The following CDC123 variants were observed in gnomAD, a reference collection of about 807,000 sequenced individuals.
CDC123 encodes cell division cycle 123, also known as translation initiation factor eIF2 assembly protein.
A neutral mutation model predicts 54.4 loss-of-function variants in CDC123; 37 were observed. That is an observed-to-expected ratio of 0.68 (90% CI 0.52 to 0.89). The LOEUF is 0.89. Ranked by LOEUF, CDC123 falls within the 40% of genes least tolerant of loss-of-function variation. CDC123 has a pLI of 0.00. For missense variants in CDC123, 361 were observed against 412.1 expected (o/e 0.88, Z 1.07); for synonymous variants, 144 against 136.8 (o/e 1.05, Z -0.37).
At chr10:12,217,510 G>A (rs777829830) in intron 6 of CDC123, 43 bp downstream of exon 6, 2 of 1,591,282 alleles carry the variant, frequency 1.3e-6, no homozygotes, top group East Asian at 4.5e-5. Flanking sequence ...TTCAGTATTT[G>A]TGCAAATTTC....
intron 6 of CDC123, among the ~76,000 whole-genome samples, chr10:12,221,305 T>C (rs1313240349): frequency 6.6e-6 from 1 of 151,950 alleles, no homozygotes; most frequent in Non-Finnish European, 1.5e-5. Flanking sequence ...GCCCTTTCCT[T>C]CCACCATCCT....
At chr10:12,240,898 TA>T in intron 10 of CDC123, among the ~76,000 whole-genome samples, 1 of 152,316 alleles carries the variant, frequency 6.6e-6, no homozygotes. Flanking sequence ...AATAATCCCG[TA>T]CGTGTGTCAT....
intron 9 of CDC123, among the ~76,000 whole-genome samples, chr10:12,237,874 G>A (rs1836000773): frequency 6.6e-6 from 1 of 152,194 alleles, no homozygotes; most frequent in Non-Finnish European, 1.5e-5. Flanking sequence ...TTCTTTGAAT[G>A]ATCAAAGACA....
At chr10:12,233,716 T>A (rs1234181055) in intron 7 of CDC123, among the ~76,000 whole-genome samples, 1 of 152,080 alleles carries the variant, frequency 6.6e-6, no homozygotes, top group Non-Finnish European at 1.5e-5. Flanking sequence ...AAAAAGCAGA[T>A]AATAAGGCTT....
chr10:12,239,440 C>T (rs1421824659), intron 10 of CDC123, among the ~76,000 whole-genome samples: 1 of 152,178 alleles, frequency 6.6e-6, no homozygotes, highest in East Asian at 1.9e-4. Flanking sequence ...TGGCCGGGTG[C>T]AGTGGCTCAC....
chr10:12,201,782 G>C (rs921892267), intron 2 of CDC123, among the ~76,000 whole-genome samples: 2 of 152,194 alleles, frequency 1.3e-5, no homozygotes, highest in Admixed American at 6.5e-5. Context: ...TGTGGCAGGT[G>C]ACTGTGGAAA....
chr10:12,242,728 G>C (rs1244208294), intron 10 of CDC123, among the ~76,000 whole-genome samples: 1 of 152,114 alleles, frequency 6.6e-6, no homozygotes, highest in Non-Finnish European at 1.5e-5. Flanking sequence ...GGTCACCTGA[G>C]ATCAGGAGCT....
chr10:12,217,306 A>T, intron 5 of CDC123, 55 bp from the exon 6 acceptor site: 1 of 1,554,558 alleles, frequency 6.4e-7, no homozygotes, highest in Non-Finnish European at 8.8e-7. Flanking sequence ...AGGCCTGAGC[A>T]TTCATAGCAG....
chr10:12,242,147 C>T (rs574892666), intron 10 of CDC123, among the ~76,000 whole-genome samples: 4 of 152,338 alleles, frequency 2.6e-5, no homozygotes, highest in East Asian at 1.9e-4. Flanking sequence ...AACCTATTCC[C>T]GCAACAGGCG....
intron 5 of CDC123, among the ~76,000 whole-genome samples, chr10:12,216,834 T>C (rs561821615): frequency 5.9e-5 from 9 of 152,336 alleles, no homozygotes; most frequent in Admixed American, 3.3e-4. Context: ...TTTGTTCTTA[T>C]GTATGAGACA....
Position 12,237,215 on chromosome 10 carries a change from A to G in CDC123, c.637A>G (p.Ile213Val), listed in dbSNP as rs113251077. 3 of 1,591,052 alleles carry G rather than the reference A, an allele frequency of 1.9e-6. No homozygotes were observed. Among genetic ancestry groups the G allele is most frequent in the Non-Finnish European group, 2.6e-6 (3 of 1,172,188 alleles). Residue 213 changes from isoleucine to valine, a missense_variant, in exon 9 of 13, where the codon ATA becomes GTA. Physicochemically the swap from Ile to Val is conservative, Grantham distance 29 (BLOSUM62 3). Coordinates refer to ENST00000281141, the MANE Select transcript of CDC123 (RefSeq NM_006023.3). ...ACAAAAGGAAGAAATTCGCAGATGC[A>G]TACAAGACTTTTTCAAGAAACACAT... is the stretch of plus-strand genomic sequence containing the variant. ...SKQKEEIRRC[I>V]QDFFKKHIQY...
chr10:12,238,721 A>T (rs1034518730), intron 10 of CDC123, among the ~76,000 whole-genome samples: 1 of 151,378 alleles, frequency 6.6e-6, no homozygotes, highest in Non-Finnish European at 1.5e-5. Context: ...ACTAAAAATT[A>T]AAAAAAAATT....
chr10:12,238,801 C>T (rs1159041864), intron 10 of CDC123, among the ~76,000 whole-genome samples: 1 of 152,030 alleles, frequency 6.6e-6, no homozygotes, highest in African/African-American at 2.4e-5. Context: ...GGGAGGATCA[C>T]TTGAGGTCAG....
Position 12,217,467 on chromosome 10 carries a change from C to A in CDC123, c.440C>A (p.Pro147Gln). ...TTCATCACTCGTGACTTCACTCAGC[C>A]GTAAGTATCTCTTATTCTCTCATGT... ...SDFITRDFTQPFIHCTDDSPD... is the reference protein window; with the variant it reads ...SDFITRDFTQQFIHCTDDSPD... The change falls in exon 6 of 13, where the codon CCG (proline) becomes CAG (glutamine). Residue 147 changes from proline to glutamine, a missense_variant and splice_region_variant. By Grantham distance (76) the Pro-to-Gln change is moderately conservative. Coordinates refer to ENST00000281141, the MANE Select transcript of CDC123 (RefSeq NM_006023.3). The A allele has an allele frequency of 6.2e-7, 1 of 1,612,850 alleles. No homozygotes were observed. Among genetic ancestry groups the A allele is most frequent in the Non-Finnish European group, 8.5e-7 (1 of 1,179,392 alleles).
chr10:12,230,383 G>A (rs115065485), intron 6 of CDC123, among the ~76,000 whole-genome samples: 3,115 of 152,170 alleles, frequency 0.02, 96 homozygotes, highest in African/African-American at 0.071. Flanking sequence ...ACTAGAGACA[G>A]GGTATCACCA....
intron 11 of CDC123, 120 bp from the exon 12 acceptor site, chr10:12,249,461 C>A: frequency 9.8e-7 from 1 of 1,022,516 alleles, no homozygotes; most frequent in Non-Finnish European, 1.4e-6. Flanking sequence ...TTCCTTTCTC[C>A]TCATCAAGTA....
chr10:12,208,861 CATGCCT>C (rs1835556548), intron 2 of CDC123, among the ~76,000 whole-genome samples: 1 of 152,186 alleles, frequency 6.6e-6, no homozygotes, highest in African/African-American at 2.4e-5. Context: ...TCAAAGACAG[CATGCCT>C]GTTTATTTTC....
chr10:12,229,902 T>C (rs145946319), intron 6 of CDC123, among the ~76,000 whole-genome samples: 91 of 152,242 alleles, frequency 6.0e-4, no homozygotes, highest in African/African-American at 2.1e-3. Flanking sequence ...CAACGTTACG[T>C]TGAGAGAGAA....
In CDC123 at chr10:12,198,738, T is replaced by G; in HGVS notation, c.108T>G (p.Asp36Glu). 1.9e-6 allele frequency: 3 copies of G among 1,599,038 alleles called. No homozygotes were observed. Among genetic ancestry groups the G allele is most frequent in the Non-Finnish European group, 2.6e-6 (3 of 1,170,796 alleles). The change falls in exon 2 of 13, where the codon GAT becomes GAG. Residue 36 changes from aspartate to glutamate, a missense_variant. Asp to Glu is a conservative substitution (Grantham distance 45). Coordinates refer to ENST00000281141, the MANE Select transcript of CDC123 (RefSeq NM_006023.3). ...TTCCACTTCCTCAGAATGTGAAGGA[T>G]TATTTACTCGATGATGGAACTCTGG... ...VILPLPQNVK[D>E]YLLDDGTLVV...
Sources: gnomAD v4.1 joint callset for allele counts (sites outside exome capture counted in the v4.1 genomes callset) on GRCh38, gnomAD v4.1.1 for gene constraint, MANE v1.5 for transcripts, NCBI Gene and HGNC (gene_info 2026-07-23, HGNC 2026-07-21) for gene names.